The following WNK1 variants were observed in gnomAD, a reference collection of about 807,000 sequenced individuals.
The protein encoded by WNK1 is WNK lysine deficient protein kinase 1.
A neutral mutation model predicts 222.8 loss-of-function variants in WNK1; 38 were observed. The observed-to-expected ratio is 0.17, with a 90% CI of 0.13 to 0.22. The LOEUF (loss-of-function observed/expected upper bound fraction) is 0.22, where lower values mean the gene tolerates loss of function less well. Ranked by LOEUF, WNK1 falls within the 10% of genes least tolerant of loss-of-function variation. The pLI, the probability that WNK1 is intolerant of heterozygous loss-of-function variation, is 1.00. For synonymous variants in WNK1, 1,090 were observed against 1,092.9 expected, an observed-to-expected ratio of 1.00 and a Z score of 0.05; for missense variants, 2,348 against 2,918.4, an observed-to-expected ratio of 0.80 and a Z score of 4.50.
chr12:802,081 C>T (rs1362307305), intron 1 of WNK1, among the ~76,000 whole-genome samples: 1 of 152,094 alleles, frequency 6.6e-6, no homozygotes, highest in Non-Finnish European at 1.5e-5. Flanking sequence ...AAATGGGAAA[C>T]TGATAATGTA....
chr12:829,742 C>A (rs754550423), intron 3 of WNK1, among the ~76,000 whole-genome samples: 6 of 152,168 alleles, frequency 3.9e-5, no homozygotes, highest in African/African-American at 1.4e-4. Context: ...TAAAGAAATT[C>A]ATTTTACACA....
intron 1 of WNK1, among the ~76,000 whole-genome samples, chr12:793,976 G>A (rs1945079099): frequency 6.6e-6 from 1 of 151,996 alleles, no homozygotes. Flanking sequence ...CTCTAGATTT[G>A]CCTATTCTGG....
chr12:766,737 A>C (rs919790786), intron 1 of WNK1, among the ~76,000 whole-genome samples: 18 of 151,254 alleles, frequency 1.2e-4, no homozygotes, highest in African/African-American at 4.4e-4. Flanking sequence ...TTGGCCTCCC[A>C]AAGTGCTGGG....
intron 1 of WNK1, among the ~76,000 whole-genome samples, chr12:778,612 T>G (rs987649378): frequency 1.3e-5 from 2 of 151,184 alleles, no homozygotes; most frequent in Non-Finnish European, 2.9e-5. Flanking sequence ...ATTACAGGTG[T>G]GAGCCACCGT....
intron 1 of WNK1, among the ~76,000 whole-genome samples, chr12:795,982 G>A (rs1591739411): frequency 6.6e-6 from 1 of 152,124 alleles, no homozygotes; most frequent in Non-Finnish European, 1.5e-5. Context: ...CTGCCTCCCG[G>A]GTTCAAGTGA....
intron 16 of WNK1, 39 bp from the exon 17 acceptor site, chr12:883,735 G>A (rs1953394482): frequency 6.2e-7 from 1 of 1,612,130 alleles, no homozygotes; most frequent in Non-Finnish European, 8.5e-7. Flanking sequence ...CATTGAGATT[G>A]CATTTGAGAA....
At chr12:767,716 T>C (rs1941944756) in intron 1 of WNK1, among the ~76,000 whole-genome samples, 1 of 152,172 alleles carries the variant, frequency 6.6e-6, no homozygotes. Flanking sequence ...TTGAAGTACA[T>C]TGAAGTTTAT....
intron 21 of WNK1, among the ~76,000 whole-genome samples, chr12:889,590 G>A (rs11829138): frequency 0.3 from 45,248 of 152,024 alleles, 7,270 homozygotes; most frequent in African/African-American, 0.42. Context: ...AGGCCGAGGC[G>A]GGCGGATCAC....
rs772223344 is a variant in WNK1, at chr12:885,475, G to A, written c.4671G>A (p.Val1557=). Residue 1557 remains valine, a synonymous_variant, in exon 19 of 28, where the codon GTG becomes GTA. Transcript: ENST00000315939. ...CCTCTTCCTCTCCTGGAGCAGGAGT[G>A]TCTAGTTATATTTCTCAGCCTGGTG... ...PSSSSSPGAG[V]SSYISQPGGL... is the part of the protein sequence containing the mutation. 4.3e-6 allele frequency: 7 copies of A among 1,613,814 alleles called. No homozygotes were observed. The highest frequency in any genetic ancestry group is 3.3e-5 in the South Asian group (3 of 91,080).
intron 8 of WNK1, among the ~76,000 whole-genome samples, chr12:863,018 A>G (rs1274498276): frequency 6.6e-6 from 1 of 152,242 alleles, no homozygotes. Context: ...AAAGTAGATC[A>G]TCAGATAATA....
chr12:819,832 A>G (rs538341761), intron 2 of WNK1, among the ~76,000 whole-genome samples: 1 of 152,286 alleles, frequency 6.6e-6, no homozygotes, highest in East Asian at 1.9e-4. Flanking sequence ...ACTTTTACCT[A>G]TTGAATGGTC....
Position 883,775 on chromosome 12 carries a change from A to C in WNK1, c.3665A>C (p.Lys1222Thr), listed in dbSNP as rs1380467638. Residue 1222 changes from lysine to threonine, a missense_variant and splice_region_variant, in exon 17 of 28, where the codon AAA becomes ACA. Physicochemically the swap from Lys to Thr is moderately conservative, Grantham distance 78. Around this residue, in one of 13 missense-constraint regions of WNK1, gnomAD observed 1,144 missense variants for 1,273.6 expected, o/e 0.90. Transcript: ENST00000315939. ...TTTAATCACTTTTGTTTGTTGTAGAAATTGGAAGGAGAGTTCAAACAACCA... is the reference window on the plus strand; with the variant it reads ...TTTAATCACTTTTGTTTGTTGTAGACATTGGAAGGAGAGTTCAAACAACCA... ...KDDYGFSGSQ[K>T]LEGEFKQPIP... 6.2e-7 allele frequency: 1 copy of C among 1,614,116 alleles called. No individual in the cohort carries two copies.
intron 8 of WNK1, among the ~76,000 whole-genome samples, chr12:863,695 G>C (rs1486916465): frequency 6.6e-6 from 1 of 151,970 alleles, no homozygotes; most frequent in South Asian, 2.1e-4. Flanking sequence ...AAAAGCAGAC[G>C]TTCTTGCTTT....
At chr12:777,779 A>G (rs934380658) in intron 1 of WNK1, among the ~76,000 whole-genome samples, 1 of 152,218 alleles carries the variant, frequency 6.6e-6, no homozygotes, top group Non-Finnish European at 1.5e-5. Context: ...CATGGTAGCT[A>G]TTTAAGAAAA....
rs1424331910 is a variant in WNK1 at position 908,916 on chromosome 12, G to C, written c.*124G>C. 8.8e-7 allele frequency: 1 copy of C among 1,134,752 alleles called. No individual in the cohort carries two copies. Among genetic ancestry groups the C allele is most frequent in the Non-Finnish European group, 1.3e-6 (1 of 784,078 alleles). The allele number at this position is 1,134,752 out of a possible 1,614,324, so 70.3% of individuals were successfully genotyped here. ...GCATTTAACTGGTTATTTCTTGCCA[G>C]AGGGGAATGTTTTTAATACTGCATT... On this transcript the variant is annotated 3_prime_UTR_variant, in exon 28 of 28. Transcript: ENST00000315939.
intron 1 of WNK1, chr12:781,301 C>G (rs1024757001): frequency 5.9e-5 from 9 of 152,896 alleles, no homozygotes; most frequent in Non-Finnish European, 1.3e-4. Context: ...CTGTTTACTG[C>G]CCATCTTTGA....
intron 2 of WNK1, among the ~76,000 whole-genome samples, chr12:817,513 A>G (rs961436685): frequency 6.6e-6 from 1 of 152,190 alleles, no homozygotes; most frequent in Non-Finnish European, 1.5e-5. Context: ...ATTGGGAAGG[A>G]ATGGGAATTA....
intron 27 of WNK1, 115 bp downstream of exon 27, chr12:908,149 T>G: frequency 7.4e-7 from 1 of 1,348,686 alleles, no homozygotes; most frequent in Admixed American, 2.0e-5. Context: ...TTTTAATACT[T>G]TAGAAAAACA....
chr12:862,901 C>T (rs1951327533), intron 8 of WNK1, among the ~76,000 whole-genome samples: 2 of 152,276 alleles, frequency 1.3e-5, no homozygotes, highest in Middle Eastern at 3.4e-3. Context: ...TCAGAATCAA[C>T]TTATAGAAAT....
Sources: allele counts gnomAD v4.1 joint callset (sites outside exome capture counted in the v4.1 genomes callset), GRCh38; gene constraint gnomAD v4.1.1; regional missense constraint gnomAD v4.1.1; transcripts MANE v1.5; gene names NCBI Gene and HGNC (gene_info 2026-07-23, HGNC 2026-07-21).